Variants in ANO10 observed in about 807,000 individuals in gnomAD.
ANO10 encodes the protein anoctamin-10.
A neutral mutation model predicts 74.7 loss-of-function variants in ANO10; 77 were observed. That is an observed-to-expected ratio of 1.03 (90% CI 0.86 to 1.25). ANO10 has a LOEUF of 1.25. ANO10 is among the 50% of genes most tolerant of loss of function. ANO10 has a pLI of 0.00. For synonymous variants in ANO10, 279 were observed against 284.9 expected (o/e 0.98, Z 0.21); for missense variants, 721 against 778.1 (o/e 0.93, Z 0.87).
intron 4 of ANO10, among the ~76,000 whole-genome samples, chr3:43,590,821 G>A (rs569970593): frequency 1.3e-5 from 2 of 152,172 alleles, no homozygotes; most frequent in Admixed American, 1.3e-4. Context: ...TGACAGATAG[G>A]ACTAGCTGGA....
rs542648074 is a variant in ANO10 at position 43,674,741 on chromosome 3, T to A, written c.-12+16776A>T. Among the ~76,000 whole-genome samples the A allele has an allele frequency of 4.8e-4, 73 of 152,278 alleles. 1 individual carries two copies. Among genetic ancestry groups the A allele is most frequent in the African/African-American group, 1.7e-3 (70 of 41,536 alleles). On this transcript the variant is annotated intron_variant, in intron 1 of 3. Coordinates refer to the ANO10 transcript ENST00000413397. Reference sequence around the variant, plus strand: ...GAACTGTGATATAGGTTTGACAGACTCAGCCACAGGGAGTTCTGGAGCAGA... The same window carrying A: ...GAACTGTGATATAGGTTTGACAGACACAGCCACAGGGAGTTCTGGAGCAGA...
At chr3:43,672,972 A>G (rs1378618877) in intron 1 of ANO10, among the ~76,000 whole-genome samples, 2 of 152,220 alleles carry the variant, frequency 1.3e-5, no homozygotes, top group African/African-American at 4.8e-5. Flanking sequence ...GAACAGAGAA[A>G]AGTCTGCTCT....
intron 9 of ANO10, among the ~76,000 whole-genome samples, 193 bp from the exon 10 acceptor site, chr3:43,555,662 C>T (rs1225388870): frequency 6.6e-6 from 1 of 152,168 alleles, no homozygotes; most frequent in Non-Finnish European, 1.5e-5. Flanking sequence ...ATAATAATTT[C>T]AGTTTAAGAA....
chr3:43,368,720 T>C (rs2091496759), intron 12 of ANO10, among the ~76,000 whole-genome samples: 1 of 151,800 alleles, frequency 6.6e-6, no homozygotes, highest in Non-Finnish European at 1.5e-5. Context: ...AGGGTCTCAC[T>C]TTGTTGCCCA....
chr3:43,669,103 T>G (rs1361184604), intron 1 of ANO10, among the ~76,000 whole-genome samples: 2 of 151,718 alleles, frequency 1.3e-5, no homozygotes, highest in Non-Finnish European at 2.9e-5. Context: ...TGCTTCTCAG[T>G]TTTTTTTCCT....
chr3:43,507,906 G>A (rs1440056332), intron 11 of ANO10, among the ~76,000 whole-genome samples: 1 of 152,072 alleles, frequency 6.6e-6, no homozygotes, highest in Non-Finnish European at 1.5e-5. Flanking sequence ...TGCAAAAAAT[G>A]TCATCAAACA....
intron 12 of ANO10, among the ~76,000 whole-genome samples, chr3:43,385,228 C>T (rs2092081888): frequency 6.6e-6 from 1 of 151,970 alleles, no homozygotes; most frequent in African/African-American, 2.4e-5. Context: ...ATATCTCCTA[C>T]AAGAATGGCC....
In ANO10 at chr3:43,461,089, G is replaced by A. The variant is rs185115943; in HGVS notation, c.1798-28362C>T. Among the ~76,000 whole-genome samples, 66 of 151,676 alleles carry A rather than the reference G, an allele frequency of 4.4e-4. No homozygotes were observed. In the East Asian group the frequency reaches 4.6e-3, roughly 11 times the overall value. ...TAGAAGAAAATCAATAAGAACAAACGTTTTTTAAAAAGATCAGTAAACTAA... is the reference window on the plus strand; with the variant it reads ...TAGAAGAAAATCAATAAGAACAAACATTTTTTAAAAAGATCAGTAAACTAA... On this transcript the variant is annotated intron_variant, in intron 11 of 12. Coordinates refer to ENST00000292246, the MANE Select transcript of ANO10 (RefSeq NM_018075.5).
At chr3:43,500,473 C>T (rs2077060451) in intron 11 of ANO10, among the ~76,000 whole-genome samples, 1 of 152,178 alleles carries the variant, frequency 6.6e-6, no homozygotes, top group Admixed American at 6.5e-5. Flanking sequence ...ATCACACTAC[C>T]AGAAATGGCC....
intron 12 of ANO10, among the ~76,000 whole-genome samples, chr3:43,374,930 A>G (rs2091745140): frequency 1.3e-5 from 2 of 151,332 alleles, no homozygotes; most frequent in Admixed American, 1.3e-4. Flanking sequence ...AGACCAGCCT[A>G]GCCAACATAG....
At chr3:43,443,141 G>A (rs1452530709) in intron 11 of ANO10, among the ~76,000 whole-genome samples, 2 of 151,870 alleles carry the variant, frequency 1.3e-5, no homozygotes, top group African/African-American at 4.8e-5. Context: ...TTCCTAGTGT[G>A]CTGAGGATCC....
chr3:43,490,753 GTAGT>G (rs1482471330), intron 11 of ANO10, among the ~76,000 whole-genome samples: 7 of 152,208 alleles, frequency 4.6e-5, no homozygotes, highest in East Asian at 3.9e-4. Flanking sequence ...GTTACAGTAG[GTAGT>G]TAGTCAGGCA....
intron 12 of ANO10, among the ~76,000 whole-genome samples, chr3:43,397,287 C>T (rs144170797): frequency 8.5e-5 from 13 of 152,152 alleles, no homozygotes; most frequent in African/African-American, 3.1e-4. Context: ...TGCATGTCTC[C>T]GTATAGTTTT....
At chr3:43,378,601 TACA>T (rs1260350725) in intron 12 of ANO10, among the ~76,000 whole-genome samples, 2 of 152,176 alleles carry the variant, frequency 1.3e-5, no homozygotes, top group African/African-American at 4.8e-5. Flanking sequence ...AATTGATAAT[TACA>T]ACATTATGAT....
In ANO10 at chr3:43,480,962, C is replaced by CATT. The variant is rs1559593903; in HGVS notation, c.1798-48238_1798-48236dup. 1.4e-4 allele frequency among the ~76,000 whole-genome samples: 3 copies of CATT among 20,922 alleles called. No individual in the cohort carries two copies. In the East Asian group the frequency reaches 5.4e-3, roughly 37 times the overall value. The allele number at this position is 20,922 out of a possible 152,430, so 13.7% of individuals were successfully genotyped here. ...AATGTGCATAATAATACAACCACTA[C>CATT]ATTGTATTATTGTATAATAATTGTA... On this transcript the variant is annotated intron_variant, in intron 11 of 12. Coordinates refer to ENST00000292246, the MANE Select transcript of ANO10 (RefSeq NM_018075.5).
intron 11 of ANO10, among the ~76,000 whole-genome samples, chr3:43,450,793 G>A (rs567973100): frequency 7.9e-5 from 12 of 152,268 alleles, no homozygotes; most frequent in Admixed American, 4.6e-4. Context: ...TTTTTGTAAT[G>A]TAACAGATTA....
At chr3:43,612,629 GC>G (rs778338477) in intron 1 of ANO10, among the ~76,000 whole-genome samples, 175 of 152,282 alleles carry the variant, frequency 1.1e-3, no homozygotes, top group Non-Finnish European at 2.0e-3. Flanking sequence ...TTCTAACTGT[GC>G]ACTTCATACA....
At chr3:43,408,784 C>G (rs2092619350) in intron 12 of ANO10, among the ~76,000 whole-genome samples, 1 of 152,210 alleles carries the variant, frequency 6.6e-6, no homozygotes, top group Non-Finnish European at 1.5e-5. Context: ...AATCCCAGCA[C>G]TTTGGGAGAC....
At chr3:43,635,160 T>C (rs2083592419) in intron 1 of ANO10, among the ~76,000 whole-genome samples, 1 of 152,200 alleles carries the variant, frequency 6.6e-6, no homozygotes, top group South Asian at 2.1e-4. Context: ...CAGCATGATC[T>C]TCTTTGGTCC....
Sources: allele counts gnomAD v4.1 joint callset (sites outside exome capture counted in the v4.1 genomes callset), GRCh38; gene constraint gnomAD v4.1.1; transcripts MANE v1.5; gene names NCBI Gene and HGNC (gene_info 2026-07-23, HGNC 2026-07-21).